The following ARID4B variants were observed in gnomAD, a reference collection of about 807,000 sequenced individuals.
ARID4B encodes the protein AT-rich interactive domain-containing protein 4B.
ARID4B carries 26 observed loss-of-function variants against 147.5 expected under a neutral mutation model. That is an observed-to-expected ratio of 0.18 (90% confidence interval 0.13 to 0.24). The LOEUF (loss-of-function observed/expected upper bound fraction) is 0.24, where lower values mean the gene tolerates loss of function less well. Ranked by LOEUF, ARID4B falls within the 10% of genes least tolerant of loss-of-function variation. The pLI is 1.00. For synonymous variants in ARID4B, 512 were observed against 507.9 expected (o/e 1.01, Z -0.11); for missense variants, 1,179 against 1,511.5 (o/e 0.78, Z 3.65).
At chr1:235,267,397 A>G (rs192603557) in intron 2 of ARID4B, among the ~76,000 whole-genome samples, 34 of 152,374 alleles carry the variant, frequency 2.2e-4, no homozygotes, top group Non-Finnish European at 5.9e-5. Flanking sequence ...TGAACTATTA[A>G]AATAATGGAG....
intron 2 of ARID4B, among the ~76,000 whole-genome samples, chr1:235,276,279 C>T (rs1409107592): frequency 6.7e-6 from 1 of 148,860 alleles, no homozygotes; most frequent in Non-Finnish European, 1.5e-5. Context: ...AGCAAACTAA[C>T]GCTAATTAGT....
intron 17 of ARID4B, among the ~76,000 whole-genome samples, chr1:235,208,676 G>GTTT (rs35443364): frequency 1.3e-5 from 2 of 149,700 alleles, no homozygotes; most frequent in Admixed American, 6.7e-5. Flanking sequence ...CTAATTTTGT[G>GTTT]TTTTTTTTTA....
At chr1:235,317,073 T>G (rs557455927) in intron 2 of ARID4B, among the ~76,000 whole-genome samples, 31 of 152,196 alleles carry the variant, frequency 2.0e-4, no homozygotes, top group Non-Finnish European at 4.3e-4. Context: ...TCAACCTGAT[T>G]AAGCATTTCA....
chr1:235,326,384 T>C (rs1185979135), intron 2 of ARID4B, among the ~76,000 whole-genome samples: 5 of 152,142 alleles, frequency 3.3e-5, no homozygotes, highest in African/African-American at 1.2e-4. Context: ...AAATAAACCA[T>C]ATAACCCCAA....
chr1:235,214,095 T>A (rs1160562938), intron 16 of ARID4B, 69 bp from the exon 17 acceptor site: 1 of 1,506,452 alleles, frequency 6.6e-7, no homozygotes, highest in Admixed American at 2.2e-5. Context: ...CCAAACCACA[T>A]ATATTGATAA....
chr1:235,309,244 GC>G (rs1380049949), intron 2 of ARID4B, among the ~76,000 whole-genome samples: 1 of 124,156 alleles, frequency 8.1e-6, no homozygotes, highest in African/African-American at 3.0e-5. Flanking sequence ...CCTGGCAACC[GC>G]CCCATCTGAG....
intron 2 of ARID4B, among the ~76,000 whole-genome samples, chr1:235,269,683 T>C (rs1670843225): frequency 6.6e-6 from 1 of 152,162 alleles, no homozygotes; most frequent in South Asian, 2.1e-4. Flanking sequence ...AATCTGTGTA[T>C]ATATCTCTCT....
At chr1:235,302,208 G>A in intron 2 of ARID4B, among the ~76,000 whole-genome samples, 2 of 130,486 alleles carry the variant, frequency 1.5e-5, no homozygotes, top group Non-Finnish European at 3.2e-5. Context: ...ACAAGGAAAA[G>A]GAAGGGAAGG....
chr1:235,321,533 T>C (rs960917499), intron 2 of ARID4B, among the ~76,000 whole-genome samples: 1 of 152,160 alleles, frequency 6.6e-6, no homozygotes, highest in Non-Finnish European at 1.5e-5. Flanking sequence ...TAAGACAGAC[T>C]CTTGCTCTGT....
At chr1:235,207,954 T>C (rs1287968475) in intron 17 of ARID4B, among the ~76,000 whole-genome samples, 1 of 152,204 alleles carries the variant, frequency 6.6e-6, no homozygotes, top group Non-Finnish European at 1.5e-5. Context: ...ACTAGAACTG[T>C]TGTGGCTTAT....
At position 235,196,013 on chromosome 1, in the gene ARID4B, G is replaced by C; in HGVS notation, c.1926+18C>G. The C allele has an allele frequency of 6.6e-7, 1 of 1,517,512 alleles. No homozygotes were observed. The highest frequency in any genetic ancestry group is 1.2e-5 in the South Asian group (1 of 85,164). The allele number at this position is 1,517,512 out of a possible 1,614,324, so 94.0% of individuals were successfully genotyped here. A position where few individuals can be genotyped will look rare whatever the true frequency, so the allele number is the denominator to read the frequency against. On this transcript the variant is annotated intron_variant, in intron 18 of 23. Coordinates refer to ENST00000264183, the MANE Select transcript of ARID4B (RefSeq NM_016374.6). ...TCTTTTTAAGAGCTAATAGTGTGTA[G>C]TAAAAACAAGCACTTACCTTTATTT...
intron 2 of ARID4B, among the ~76,000 whole-genome samples, chr1:235,292,186 T>C (rs1672384705): frequency 6.6e-6 from 1 of 152,232 alleles, no homozygotes; most frequent in Non-Finnish European, 1.5e-5. Flanking sequence ...TCATCCTGAT[T>C]GTCCCCAAGA....
chr1:235,171,076 CTT>C (rs904772959), intron 23 of ARID4B, among the ~76,000 whole-genome samples: 21 of 152,122 alleles, frequency 1.4e-4, no homozygotes, highest in Admixed American at 1.2e-3. Context: ...CAACTCATAA[CTT>C]ATATATTTCA....
chr1:235,321,402 T>C (rs1674823346), intron 2 of ARID4B, among the ~76,000 whole-genome samples: 1 of 152,164 alleles, frequency 6.6e-6, no homozygotes, highest in Non-Finnish European at 1.5e-5. Context: ...ACATCTTAAC[T>C]AGCAGGTCCA....
intron 17 of ARID4B, among the ~76,000 whole-genome samples, chr1:235,199,623 T>C (rs1160203721): frequency 6.6e-6 from 1 of 152,134 alleles, no homozygotes; most frequent in Non-Finnish European, 1.5e-5. Flanking sequence ...TAGGGGGCAT[T>C]CCAGGCCCTA....
chr1:235,277,096 A>T (rs12027933), intron 2 of ARID4B, among the ~76,000 whole-genome samples: 42,894 of 151,868 alleles, frequency 0.28, 7,413 homozygotes, highest in South Asian at 0.53. Flanking sequence ...AAATAAAAAA[A>T]TTATCTGGGC....
At chr1:235,310,726 G>A (rs1475690307) in intron 2 of ARID4B, among the ~76,000 whole-genome samples, 4 of 152,098 alleles carry the variant, frequency 2.6e-5, no homozygotes, top group African/African-American at 9.7e-5. Context: ...GGAGTACAGT[G>A]GCTGCAATCA....
In ARID4B at chr1:235,181,989, C is replaced by G. The variant is rs1664344709; in HGVS notation, c.2930G>C (p.Ser977Thr). 2 of 1,614,146 alleles carry G rather than the reference C, an allele frequency of 1.2e-6. No individual in the cohort carries two copies. Among genetic ancestry groups the G allele is most frequent in the East Asian group, 2.2e-5 (1 of 44,884 alleles). The change falls in exon 20 of 24, where the codon AGT (serine) becomes ACT (threonine). Residue 977 changes from serine (S) to threonine (T), a missense_variant. Ser to Thr is a moderately conservative substitution (Grantham distance 58, BLOSUM62 1). This residue lies in a region of ARID4B where 357 missense variants were observed against 427.3 expected (regional missense o/e 0.84). Coordinates refer to ENST00000264183, the MANE Select transcript of ARID4B (RefSeq NM_016374.6). Reference sequence around the variant, plus strand: ...TTCTAGTTCTACACTGGGTGAACAACTCTCCTCTTCAGCCACAGTCTGCAG... The same window carrying G: ...TTCTAGTTCTACACTGGGTGAACAAGTCTCCTCTTCAGCCACAGTCTGCAG... ...ESLQTVAEEE[S>T]CSPSVELEKP...
intron 2 of ARID4B, among the ~76,000 whole-genome samples, chr1:235,275,603 T>C (rs916825580): frequency 2.0e-5 from 3 of 152,188 alleles, no homozygotes; most frequent in African/African-American, 4.8e-5. Flanking sequence ...ACCCTTATAA[T>C]AGATTCTCTT....
Sources: gnomAD v4.1 joint callset for allele counts (sites outside exome capture counted in the v4.1 genomes callset) on GRCh38, gnomAD v4.1.1 for gene constraint, gnomAD v4.1.1 regional missense constraint, MANE v1.5 for transcripts, NCBI Gene and HGNC (gene_info 2026-07-23, HGNC 2026-07-21) for gene names.